YLPM1: variants seen among roughly 807,000 people sequenced by gnomAD.
YLPM1 encodes the protein YLP motif-containing protein 1.
A neutral mutation model predicts 230.0 loss-of-function variants in YLPM1; 99 were observed. The ratio of observed to expected loss-of-function variants is 0.43; its 90% CI spans 0.37 to 0.51. YLPM1 has a LOEUF of 0.51. YLPM1 is among the 20% of genes least tolerant of loss of function. YLPM1 has a pLI of 0.00. For synonymous variants in YLPM1, 984 were observed against 942.5 expected, an observed-to-expected ratio of 1.04 and a Z score of -0.81; for missense variants, 2,592 against 2,707.7, an observed-to-expected ratio of 0.96 and a Z score of 0.95.
chr14:74,797,148 A>ATTTT (rs71303895), intron 4 of YLPM1, among the ~76,000 whole-genome samples: 3 of 100,796 alleles, frequency 3.0e-5, no homozygotes, highest in South Asian at 3.2e-4. Context: ...AAATTTTTGT[A>ATTTT]TTTTTTTTTT....
At chr14:74,829,595 G>A (rs191238696) in intron 19 of YLPM1, among the ~76,000 whole-genome samples, 37 of 152,278 alleles carry the variant, frequency 2.4e-4, no homozygotes, top group Non-Finnish European at 4.1e-4. Flanking sequence ...GGAGTGGCCA[G>A]TCACTTGTGC....
chr14:74,766,096 G>C (rs1388632529), intron 1 of YLPM1, among the ~76,000 whole-genome samples: 1 of 152,158 alleles, frequency 6.6e-6, no homozygotes, highest in Non-Finnish European at 1.5e-5. Flanking sequence ...TCTTCAGATT[G>C]TAAGTCCCTT....
At chr14:74,783,517 A>G (rs1335802694) in intron 4 of YLPM1, among the ~76,000 whole-genome samples, 7 of 152,230 alleles carry the variant, frequency 4.6e-5, no homozygotes, top group Non-Finnish European at 8.8e-5. Context: ...CCATCTGGAG[A>G]GAATCATTTT....
chr14:74,815,419 G>T (rs923982560), intron 11 of YLPM1, among the ~76,000 whole-genome samples: 2 of 151,814 alleles, frequency 1.3e-5, no homozygotes, highest in Non-Finnish European at 2.9e-5. Context: ...AAAATTAGGC[G>T]GGCGTGGTGG....
At chr14:74,789,494 G>A (rs982383535) in intron 4 of YLPM1, among the ~76,000 whole-genome samples, 6 of 152,022 alleles carry the variant, frequency 3.9e-5, no homozygotes, top group South Asian at 2.1e-4. Context: ...TGGGATTACC[G>A]GTGTGAGCCA....
chr14:74,819,260 T>C (rs1050544723), intron 16 of YLPM1, among the ~76,000 whole-genome samples: 1 of 151,528 alleles, frequency 6.6e-6, no homozygotes, highest in Non-Finnish European at 1.5e-5. Context: ...CCATACTCAA[T>C]ATTGTCATTG....
Position 74,782,302 on chromosome 14 carries a change from C to G in YLPM1, c.2259C>G (p.Tyr753Ter). Residue 753 changes from tyrosine to a stop codon, truncating the protein, a stop_gained, in exon 4 of 21, where the codon TAC becomes TAG. Coordinates refer to ENST00000325680, the MANE Select transcript of YLPM1 (RefSeq NM_019589.3). LOFTEE classifies it high-confidence loss of function. ...TTCCAGATCCTCCTAGAAGTAGTTA[C>G]TTGGAAAGTCCAAGAGGCCCAAGGT... is the stretch of plus-strand genomic sequence containing the variant. ...GLLPDPPRSS[Y>*]LESPRGPRFD... 6.5e-7 allele frequency: 1 copy of G among 1,528,124 alleles called. No individual in the cohort carries two copies. 94.7% of individuals were successfully genotyped at this position (1,528,124 alleles called of 1,614,324 possible).
chr14:74,801,712 AC>A (rs1437167427), intron 5 of YLPM1, among the ~76,000 whole-genome samples: 1 of 152,194 alleles, frequency 6.6e-6, no homozygotes, highest in Non-Finnish European at 1.5e-5. Context: ...GGCAGCCTCT[AC>A]TGCACTCAGC....
In YLPM1 at chr14:74,763,549, A is replaced by G. The variant is rs775470880; in HGVS notation, c.60A>G (p.Pro20=). The change falls in exon 1 of 21, where the codon CCA becomes CCG. Residue 20 remains proline (P), a synonymous_variant. Coordinates refer to ENST00000325680, the MANE Select transcript of YLPM1 (RefSeq NM_019589.3). ...GSSHYPPPPV[P]PPPPVALPEA... ...GCCACTATCCGCCGCCACCGGTCCC[A>G]CCGCCGCCGCCAGTGGCGCTTCCTG... The G allele has an allele frequency of 6.5e-7, 1 of 1,532,976 alleles. No homozygotes were observed. Among genetic ancestry groups the G allele is most frequent in the Non-Finnish European group, 8.8e-7 (1 of 1,138,624 alleles). The allele number at this position is 1,532,976 out of a possible 1,614,324, so 95.0% of individuals were successfully genotyped here.
chr14:74,792,940 ATT>A (rs2140102557), intron 4 of YLPM1, among the ~76,000 whole-genome samples: 1 of 152,302 alleles, frequency 6.6e-6, no homozygotes, highest in East Asian at 1.9e-4. Context: ...CAATGTCTTT[ATT>A]CTAATCTCAC....
chr14:74,824,243 G>A lies in YLPM1; in HGVS notation c.6112-13G>A, dbSNP rs2091545532. On this transcript the variant is annotated splice_polypyrimidine_tract_variant and intron_variant, in intron 17 of 20. Coordinates refer to ENST00000325680, the MANE Select transcript of YLPM1 (RefSeq NM_019589.3). ...TTTCTAACCCTTCGAGCTTCTCTCT[G>A]TGTACGATTTAGGGTTACATTCCGA... 1.2e-6 allele frequency: 2 copies of A among 1,611,528 alleles called. No homozygotes were observed. The highest frequency in any genetic ancestry group is 1.7e-5 in the Admixed American group (1 of 59,746).
intron 4 of YLPM1, among the ~76,000 whole-genome samples, chr14:74,783,331 C>G (rs907713563): frequency 1.3e-5 from 2 of 152,136 alleles, no homozygotes; most frequent in South Asian, 4.1e-4. Context: ...GGCCTCCCTG[C>G]CTGCCGTGGC....
chr14:74,797,256 G>T (rs2091273304), intron 4 of YLPM1, among the ~76,000 whole-genome samples: 1 of 150,004 alleles, frequency 6.7e-6, no homozygotes, highest in Admixed American at 6.7e-5. Context: ...CTCCCAAAGT[G>T]CTGTGATTAC....
At chr14:74,803,255 T>C (rs1270954678) in intron 6 of YLPM1, among the ~76,000 whole-genome samples, 1 of 152,230 alleles carries the variant, frequency 6.6e-6, no homozygotes, top group Non-Finnish European at 1.5e-5. Context: ...GGGGTGTTTA[T>C]GTTAAAGACT....
rs568791883 is a variant in YLPM1, at chr14:74,824,342, T to C, written c.6163+35T>C. The C allele has an allele frequency of 7.5e-5, 119 of 1,594,110 alleles. No individual in the cohort carries two copies. The South Asian group carries it at 1.3e-3, about 17-fold the overall frequency. On this transcript the variant is annotated intron_variant, in intron 18 of 20. Transcript: ENST00000325680. ...TCCTTTTTCCTGTTTTTATATGTGA[T>C]ACCTGATGGTAATGGTCATAGATCT...
In YLPM1 at chr14:74,812,620, A is replaced by C. The variant is rs2091443845; in HGVS notation, c.5348-8A>C. 1 of 1,608,662 alleles carries C rather than the reference A, an allele frequency of 6.2e-7. No homozygotes were observed. Among genetic ancestry groups the C allele is most frequent in the Non-Finnish European group, 8.5e-7 (1 of 1,177,730 alleles). The stretch of plus-strand genomic sequence containing the variant: ...AATAGTAATTTTGTTCAACTGCTGG[A>C]ATCCTAGGAGAACGAAGGACTTATC... On this transcript the variant is annotated splice_polypyrimidine_tract_variant and splice_region_variant and intron_variant, in intron 10 of 20. Coordinates refer to ENST00000325680, the MANE Select transcript of YLPM1 (RefSeq NM_019589.3).
At chr14:74,781,244 G>A (rs1193033602) in intron 3 of YLPM1, 90 bp from the exon 4 acceptor site, 10 of 1,381,292 alleles carry the variant, frequency 7.2e-6, no homozygotes, top group South Asian at 3.2e-5. Flanking sequence ...TTCCTAAAGC[G>A]TCAAATGCCC....
At chr14:74,800,218 A>G (rs993660661) in intron 5 of YLPM1, among the ~76,000 whole-genome samples, 4 of 152,232 alleles carry the variant, frequency 2.6e-5, no homozygotes, top group South Asian at 2.1e-4. Context: ...ATCTTTCATT[A>G]TAACTAAAAG....
In YLPM1 at chr14:74,781,763, C is replaced by T. The variant is rs745792991; in HGVS notation, c.1720C>T (p.Pro574Ser). Residue 574 changes from proline (P) to serine (S), a missense_variant, in exon 4 of 21, where the codon CCC (proline) becomes TCC (serine). Pro to Ser is a moderately conservative substitution (Grantham distance 74). Around this residue, in one of 4 missense-constraint regions of YLPM1, gnomAD observed 1,862 missense variants for 1,819.8 expected, o/e 1.02. Coordinates refer to ENST00000325680, the MANE Select transcript of YLPM1 (RefSeq NM_019589.3). ...GCCACCTTCTCTACCAACCTCTGTT[C>T]CCCCACCAGGGATGCCTCCTTCTCT... ...VMPPSLPTSV[P>S]PPGMPPSLSS... 3.1e-6 allele frequency: 5 copies of T among 1,612,208 alleles called. No individual in the cohort carries two copies. The highest frequency in any genetic ancestry group is 3.3e-5 in the Admixed American group (2 of 59,774).
Sources: gnomAD v4.1 joint callset for allele counts (sites outside exome capture counted in the v4.1 genomes callset) on GRCh38, gnomAD v4.1.1 for gene constraint, gnomAD v4.1.1 regional missense constraint, MANE v1.5 for transcripts, NCBI Gene and HGNC (gene_info 2026-07-23, HGNC 2026-07-21) for gene names.